SLC39A10: variants seen among roughly 807,000 people sequenced by gnomAD.
The protein encoded by SLC39A10 is zinc transporter ZIP10.
A neutral mutation model predicts 65.1 loss-of-function variants in SLC39A10; 13 were observed. The observed-to-expected ratio is 0.20, with a 90% CI of 0.13 to 0.32. SLC39A10 has a LOEUF of 0.32. Among genes scored for constraint, SLC39A10 ranks in the 10% least tolerant of loss-of-function variants. The pLI is 1.00. For synonymous variants in SLC39A10, 321 were observed against 342.2 expected, an observed-to-expected ratio of 0.94 and a Z score of 0.68; for missense variants, 831 against 1,018.4, an observed-to-expected ratio of 0.82 and a Z score of 2.50.
chr2:195,620,624 G>A (rs1427940647), intron 2 of SLC39A10, among the ~76,000 whole-genome samples: 2 of 152,070 alleles, frequency 1.3e-5, no homozygotes, highest in South Asian at 4.1e-4. Flanking sequence ...TGAAGTTCCT[G>A]ATCCCCAGGA....
At chr2:195,709,121 C>A (rs954817636) in intron 5 of SLC39A10, among the ~76,000 whole-genome samples, 1 of 152,096 alleles carries the variant, frequency 6.6e-6, no homozygotes, top group East Asian at 1.9e-4. Flanking sequence ...ACCTCCTGGG[C>A]TCAGGTGATC....
intron 1 of SLC39A10, among the ~76,000 whole-genome samples, chr2:195,666,108 A>G (rs1029423407): frequency 6.6e-6 from 1 of 152,126 alleles, no homozygotes; most frequent in Non-Finnish European, 1.5e-5. Context: ...GAATGTAGCT[A>G]TATAAGAAAG....
Position 195,683,799 on chromosome 2 carries a change from A to G in SLC39A10, c.1109A>G (p.Gln370Arg). Residue 370 changes from glutamine (Q) to arginine (R), a missense_variant, in exon 3 of 10, where the codon CAA becomes CGA. By Grantham distance (43) the Gln-to-Arg change is conservative (BLOSUM62 1). Around this residue, in one of 4 missense-constraint regions of SLC39A10, gnomAD observed 446 missense variants for 499.2 expected, o/e 0.89. Coordinates refer to ENST00000359634, the MANE Select transcript of SLC39A10 (RefSeq NM_020342.3). ...TACCTTTGCCCTGCATTGTTATATC[A>G]AATCGACAGCAGACTTTGTATTGAG... ...FTYLCPALLY[Q>R]IDSRLCIEHF... 3 of 1,613,384 alleles carry G rather than the reference A, an allele frequency of 1.9e-6. No individual in the cohort carries two copies. Among genetic ancestry groups the G allele is most frequent in the Non-Finnish European group, 2.5e-6 (3 of 1,179,478 alleles).
rs775200065 is a variant in SLC39A10, at chr2:195,734,879, C to T, written c.2338-4C>T. ...AAGTTTAATGTGAAGATTTATTTTTCTAGCTTCCAGAAATGTTGCATGGTG... is the reference window on the plus strand; with the variant it reads ...AAGTTTAATGTGAAGATTTATTTTTTTAGCTTCCAGAAATGTTGCATGGTG... On this transcript the variant is annotated splice_region_variant and splice_polypyrimidine_tract_variant and intron_variant, in intron 9 of 9. Coordinates refer to ENST00000359634, the MANE Select transcript of SLC39A10 (RefSeq NM_020342.3). 4 of 1,590,672 alleles carry T rather than the reference C, an allele frequency of 2.5e-6. No homozygotes were observed. The Admixed American group carries it at 7.4e-5, about 29-fold the overall frequency.
At chr2:195,645,178 G>A (rs1260762867) in intron 2 of SLC39A10, among the ~76,000 whole-genome samples, 1 of 151,702 alleles carries the variant, frequency 6.6e-6, no homozygotes, top group African/African-American at 2.4e-5. Context: ...CAAAGTGCTG[G>A]GATTATAGGC....
At chr2:195,727,208 G>A (rs570562705) in intron 8 of SLC39A10, among the ~76,000 whole-genome samples, 46 of 152,044 alleles carry the variant, frequency 3.0e-4, no homozygotes, top group Non-Finnish European at 5.3e-4. Flanking sequence ...AGGGGGTGGC[G>A]GGAGGAGAGT....
intron 5 of SLC39A10, among the ~76,000 whole-genome samples, chr2:195,713,183 G>C (rs1691659336): frequency 6.6e-6 from 1 of 152,148 alleles, no homozygotes; most frequent in African/African-American, 2.4e-5. Context: ...AGTACTGTGT[G>C]CTCTGTTCTT....
chr2:195,614,068 G>A (rs1479809098), intron 2 of SLC39A10, among the ~76,000 whole-genome samples: 1 of 152,104 alleles, frequency 6.6e-6, no homozygotes, highest in Non-Finnish European at 1.5e-5. Flanking sequence ...GCTGCTCTGA[G>A]TCATCCACAC....
intron 1 of SLC39A10, chr2:195,657,577 G>A (rs1689201220): frequency 1.0e-6 from 1 of 982,620 alleles, no homozygotes; most frequent in Non-Finnish European, 1.2e-6. Flanking sequence ...CTTCGCGTGC[G>A]GAGCCTCGCG....
intron 1 of SLC39A10, among the ~76,000 whole-genome samples, chr2:195,660,953 A>G (rs1354354043): frequency 6.6e-6 from 1 of 152,162 alleles, no homozygotes; most frequent in African/African-American, 2.4e-5. Context: ...TTTATTTTCT[A>G]TGACTTTTAT....
At chr2:195,641,222 G>A (rs143256706) in intron 2 of SLC39A10, among the ~76,000 whole-genome samples, 3 of 152,268 alleles carry the variant, frequency 2.0e-5, no homozygotes, top group Non-Finnish European at 4.4e-5. Context: ...CAAGTTTATA[G>A]TGATTTATAA....
intron 2 of SLC39A10, among the ~76,000 whole-genome samples, chr2:195,634,249 C>T (rs183019611): frequency 8.5e-4 from 129 of 152,294 alleles, no homozygotes; most frequent in African/African-American, 2.9e-3. Flanking sequence ...CATTTCCTGA[C>T]GCTGGATATA....
chr2:195,684,116 A>C (rs1690435349), intron 3 of SLC39A10, among the ~76,000 whole-genome samples: 1 of 152,062 alleles, frequency 6.6e-6, no homozygotes. Context: ...CTGGTATATT[A>C]CAAAGGGATA....
At chr2:195,647,669 C>T (rs1261338606) in intron 2 of SLC39A10, among the ~76,000 whole-genome samples, 2 of 139,670 alleles carry the variant, frequency 1.4e-5, no homozygotes, top group Non-Finnish European at 3.1e-5. Context: ...CCATGCGATA[C>T]TGTAATTATC....
intron 2 of SLC39A10, among the ~76,000 whole-genome samples, chr2:195,633,620 G>A (rs1297839837): frequency 6.6e-6 from 1 of 152,210 alleles, no homozygotes; most frequent in Non-Finnish European, 1.5e-5. Context: ...GATAGTAAAT[G>A]TGGGAGGTTT....
At chr2:195,643,011 T>C (rs1435044146) in intron 2 of SLC39A10, among the ~76,000 whole-genome samples, 1 of 152,224 alleles carries the variant, frequency 6.6e-6, no homozygotes, top group African/African-American at 2.4e-5. Flanking sequence ...ACTAGGTAGG[T>C]ACCTTACTTG....
intron 3 of SLC39A10, among the ~76,000 whole-genome samples, chr2:195,702,579 C>A (rs1691234241): frequency 6.6e-6 from 1 of 152,194 alleles, no homozygotes; most frequent in African/African-American, 2.4e-5. Flanking sequence ...CACAGTCTTT[C>A]CAGAATCCTC....
chr2:195,686,993 T>TA (rs773414833), intron 3 of SLC39A10, among the ~76,000 whole-genome samples: 11 of 152,190 alleles, frequency 7.2e-5, no homozygotes, highest in Non-Finnish European at 1.6e-4. Context: ...AATCCAAGAA[T>TA]GGTCTTCTTG....
At chr2:195,729,323 T>C (rs1418268405) in intron 9 of SLC39A10, among the ~76,000 whole-genome samples, 3 of 152,152 alleles carry the variant, frequency 2.0e-5, no homozygotes, top group African/African-American at 4.8e-5. Context: ...CTATTTATCA[T>C]AGAAGGTTTT....
Sources: allele counts gnomAD v4.1 joint callset (sites outside exome capture counted in the v4.1 genomes callset), GRCh38; gene constraint gnomAD v4.1.1; regional missense constraint gnomAD v4.1.1; transcripts MANE v1.5; gene names NCBI Gene and HGNC (gene_info 2026-07-23, HGNC 2026-07-21).